CAPN6: variants seen among roughly 807,000 people sequenced by gnomAD.
CAPN6 encodes the protein calpain-6.
CAPN6 carries 16 observed loss-of-function variants against 46.0 expected under a neutral mutation model. The ratio of observed to expected loss-of-function variants is 0.35; its 90% CI spans 0.24 to 0.53. The LOEUF (loss-of-function observed/expected upper bound fraction) is 0.53, where lower values mean the gene tolerates loss of function less well. Ranked by LOEUF, CAPN6 falls within the 20% of genes least tolerant of loss-of-function variation. The pLI, the probability that CAPN6 is intolerant of heterozygous loss-of-function variation, is 0.94. For synonymous variants in CAPN6, 206 were observed against 172.8 expected, an observed-to-expected ratio of 1.19 and a Z score of -1.51; for missense variants, 461 against 498.0, an observed-to-expected ratio of 0.93 and a Z score of 0.71.
At chrX:111,263,032 T>C (rs1378183011) in intron 2 of CAPN6, among the ~76,000 whole-genome samples, 2 of 112,222 alleles carry the variant, frequency 1.8e-5, no homozygotes, top group Admixed American at 9.4e-5. Context: ...TTCTCCTCAC[T>C]GGTCTGAAAT....
chrX:111,266,261 T>C (rs1416875399), intron 1 of CAPN6, among the ~76,000 whole-genome samples: 1 of 83,180 alleles, frequency 1.2e-5, no homozygotes, highest in African/African-American at 5.6e-5. Context: ...AAAAAAAAAG[T>C]GACCCGCATT....
chrX:111,251,790 A>C (rs759914782), intron 5 of CAPN6, 48 bp from the exon 6 acceptor site: 5 of 1,016,433 alleles, frequency 4.9e-6, no homozygotes, highest in Non-Finnish European at 6.8e-6. Flanking sequence ...GGGAGACCCA[A>C]TCCTGACTCC....
intron 1 of CAPN6, among the ~76,000 whole-genome samples, chrX:111,267,301 G>A (rs2094992699): frequency 9.8e-6 from 1 of 101,931 alleles, no homozygotes; most frequent in South Asian, 3.9e-4. Context: ...GTTGGGTGAG[G>A]CAGAGTGTGG....
chrX:111,266,206 C>G (rs1292222113), intron 1 of CAPN6, among the ~76,000 whole-genome samples: 2 of 94,548 alleles, frequency 2.1e-5, no homozygotes, highest in African/African-American at 8.4e-5. Context: ...TGCACTCCAG[C>G]CTGGGCAACA....
chrX:111,270,032 A>C (rs932249511), intron 1 of CAPN6, among the ~76,000 whole-genome samples: 5 of 109,273 alleles, frequency 4.6e-5, no homozygotes, highest in Admixed American at 9.5e-5. Context: ...ATTTTTCCTC[A>C]CTTACCAGGT....
chrX:111,248,682 A>T lies in CAPN6; in HGVS notation c.1371T>A (p.Phe457Leu). Residue 457 changes from phenylalanine (F) to leucine (L), a missense_variant, in exon 10 of 13, where the codon TTT becomes TTA. Physicochemically the swap from Phe to Leu is conservative, Grantham distance 22. Transcript: ENST00000324068. ...TSTYIDTRTV[F>L]LSKYLKKGNY... ...TGCCCTTCTTCAGGTACTTGCTCAG[A>T]AACACTGTGCGGGTGTCAATATAGG... is the stretch of plus-strand genomic sequence containing the variant. 1 of 1,209,836 alleles carries T rather than the reference A, an allele frequency of 8.3e-7. No individual in the cohort carries two copies. Among genetic ancestry groups the T allele is most frequent in the East Asian group, 3.0e-5 (1 of 33,832 alleles).
intron 2 of CAPN6, among the ~76,000 whole-genome samples, chrX:111,262,857 A>G (rs1027620103): frequency 8.9e-6 from 1 of 112,171 alleles, no homozygotes; most frequent in African/African-American, 3.2e-5. Context: ...TACTACTAAT[A>G]GGTGGTGAAA....
chrX:111,251,533 G>T lies in CAPN6; in HGVS notation c.893+16C>A. The T allele has an allele frequency of 8.5e-7, 1 of 1,175,076 alleles. No homozygotes were observed. Among genetic ancestry groups the T allele is most frequent in the Non-Finnish European group, 1.2e-6 (1 of 863,841 alleles). On this transcript the variant is annotated intron_variant, in intron 6 of 12. Transcript: ENST00000324068. ...GGGCTTTGGAGATGTAGCTGTGAAAGTGGAATGCAACTCACATTTCACTCC... is the reference window on the plus strand; with the variant it reads ...GGGCTTTGGAGATGTAGCTGTGAAATTGGAATGCAACTCACATTTCACTCC...
intron 2 of CAPN6, among the ~76,000 whole-genome samples, chrX:111,259,567 G>T (rs1569481446): frequency 8.9e-6 from 1 of 111,770 alleles, no homozygotes; most frequent in East Asian, 2.8e-4. Context: ...TTAATCCAGA[G>T]CCTCATCACC....
chrX:111,246,232 A>G lies in CAPN6; in HGVS notation c.*345T>C. ...TCAACATGCCCTACAGGGGAGATAT[A>G]TCAAACAACTGAAAACATCAAAGAC... is the stretch of plus-strand genomic sequence containing the variant. On this transcript the variant is annotated 3_prime_UTR_variant, in exon 13 of 13. Transcript: ENST00000324068. 1 of 181,646 alleles carries G rather than the reference A, an allele frequency of 5.5e-6. No homozygotes were observed. The highest frequency in any genetic ancestry group is 1.0e-5 in the Non-Finnish European group (1 of 98,058). The allele number at this position is 181,646 out of a possible 1,213,427, so 15.0% of individuals were successfully genotyped here.
Position 111,252,351 on chromosome X carries a change from A to G in CAPN6, c.655T>C (p.Tyr219His). 1 of 1,210,028 alleles carries G rather than the reference A, an allele frequency of 8.3e-7. No homozygotes were observed. Among genetic ancestry groups the G allele is most frequent in the Non-Finnish European group, 1.1e-6 (1 of 894,662 alleles). ...AGACCACCTTTGGTAAATGTTTTGT[A>G]CAGTTCTCCGAATAGCTTGTACTTC... ...EEKYKLFGEL[Y>H]KTFTKGGLIC... The change falls in exon 5 of 13, where the codon TAC becomes CAC. Residue 219 changes from tyrosine to histidine, a missense_variant. Tyr to His is a moderately conservative substitution (Grantham distance 83). Transcript: ENST00000324068.
Position 111,270,450 on chromosome X carries a change from A to G in CAPN6, c.-95T>C. 3.1e-6 allele frequency: 1 copy of G among 318,871 alleles called. No homozygotes were observed. Among genetic ancestry groups the G allele is most frequent in the Non-Finnish European group, 5.9e-6 (1 of 170,475 alleles). The allele number at this position is 318,871 out of a possible 1,213,427, so 26.3% of individuals were successfully genotyped here. A position where few individuals can be genotyped will look rare whatever the true frequency, so the allele number is the denominator to read the frequency against. ...GCCGTTGCCGCTGCTGCTGTTAGCC[A>G]GGTAACCCCACTAAAAGTCTGTTCA... On this transcript the variant is annotated 5_prime_UTR_variant, in exon 1 of 13. Transcript: ENST00000324068.
chrX:111,265,350 C>T (rs1395356181), intron 1 of CAPN6, among the ~76,000 whole-genome samples: 3 of 112,529 alleles, frequency 2.7e-5, no homozygotes, highest in African/African-American at 9.7e-5. Context: ...CTTACCCTTT[C>T]TCTGAATCCA....
At chrX:111,269,354 ATTTTTTTGTTTAT>A (rs1000592555) in intron 1 of CAPN6, among the ~76,000 whole-genome samples, 2 of 112,105 alleles carry the variant, frequency 1.8e-5, no homozygotes, top group Admixed American at 9.4e-5. Flanking sequence ...TCCACAAATA[ATTTTTTTGTTTAT>A]TACTTCAGAC....
chrX:111,255,481 A>G (rs1260961525), intron 2 of CAPN6, among the ~76,000 whole-genome samples: 2 of 112,922 alleles, frequency 1.8e-5, no homozygotes, highest in African/African-American at 3.2e-5. Context: ...ATACCAATGC[A>G]TTCTTGACTA....
At chrX:111,266,767 CA>C (rs746710752) in intron 1 of CAPN6, among the ~76,000 whole-genome samples, 2 of 112,487 alleles carry the variant, frequency 1.8e-5, no homozygotes, top group East Asian at 5.6e-4. Context: ...TCCATCACAC[CA>C]CACTGCTTCT....
chrX:111,258,703 T>C (rs1023503387), intron 2 of CAPN6, among the ~76,000 whole-genome samples: 6 of 111,658 alleles, frequency 5.4e-5, no homozygotes, highest in Non-Finnish European at 1.1e-4. Context: ...TAGAATAGGA[T>C]CTTAGGCCCA....
At chrX:111,260,527 T>A (rs1417040716) in intron 2 of CAPN6, among the ~76,000 whole-genome samples, 1 of 112,692 alleles carries the variant, frequency 8.9e-6, no homozygotes, top group Non-Finnish European at 1.9e-5. Context: ...AACCAGGATC[T>A]CAACCTTGCC....
At chrX:111,265,359 C>A (rs2147539735) in intron 1 of CAPN6, among the ~76,000 whole-genome samples, 1 of 112,162 alleles carries the variant, frequency 8.9e-6, no homozygotes, top group South Asian at 3.7e-4. Flanking sequence ...TCTCTGAATC[C>A]AAGGAATAAG....
Sources: allele counts gnomAD v4.1 joint callset (sites outside exome capture counted in the v4.1 genomes callset), GRCh38; gene constraint gnomAD v4.1.1; transcripts MANE v1.5; gene names NCBI Gene and HGNC (gene_info 2026-07-23, HGNC 2026-07-21).